PARD3B: variants seen among roughly 807,000 people sequenced by gnomAD.
PARD3B encodes the protein partitioning defective 3 homolog B.
Under a neutral mutation model 130.2 loss-of-function variants are expected in PARD3B, and 103 were observed. The ratio of observed to expected loss-of-function variants is 0.79; its 90% CI spans 0.67 to 0.93. PARD3B has a LOEUF of 0.93. Ranked by LOEUF, PARD3B falls within the 40% of genes least tolerant of loss-of-function variation. The probability of loss-of-function intolerance (pLI) is 0.00; values close to 1 mark genes in which losing one functional copy is unlikely to be tolerated. For synonymous variants in PARD3B, 583 were observed against 553.2 expected, an observed-to-expected ratio of 1.05 and a Z score of -0.76; for missense variants, 1,609 against 1,499.2, an observed-to-expected ratio of 1.07 and a Z score of -1.21.
intron 20 of PARD3B, among the ~76,000 whole-genome samples, chr2:205,498,043 A>ACACACACG (rs1477928229): frequency 6.6e-6 from 1 of 151,382 alleles, no homozygotes; most frequent in Non-Finnish European, 1.5e-5. Context: ...ACACACACAC[A>ACACACACG]CAAAGAATTT....
In PARD3B at chr2:204,754,692, G is replaced by T. The variant is rs939689124; in HGVS notation, c.222+68410G>T. On this transcript the variant is annotated intron_variant, in intron 2 of 22. Coordinates refer to ENST00000406610, the MANE Select transcript of PARD3B (RefSeq NM_001302769.2). ...AAATCCTAAGATAATAATGACTTAGGCACAACAAGATGGCTGCTAAAGCAC... is the reference window on the plus strand; with the variant it reads ...AAATCCTAAGATAATAATGACTTAGTCACAACAAGATGGCTGCTAAAGCAC... Among the ~76,000 whole-genome samples, 3 of 152,034 alleles carry T rather than the reference G, an allele frequency of 2.0e-5. No homozygotes were observed. In the South Asian group the frequency reaches 6.2e-4, roughly 32 times the overall value.
chr2:204,994,863 T>C (rs1694014136), intron 3 of PARD3B, among the ~76,000 whole-genome samples: 1 of 151,880 alleles, frequency 6.6e-6, no homozygotes, highest in African/African-American at 2.4e-5. Flanking sequence ...TTGATCTTTG[T>C]TGGTTTAAAG....
chr2:204,867,503 A>G (rs1407842037), intron 2 of PARD3B, among the ~76,000 whole-genome samples: 2 of 152,202 alleles, frequency 1.3e-5, no homozygotes, highest in Admixed American at 6.5e-5. Flanking sequence ...CACCATTACA[A>G]CATGCTTAAT....
intron 2 of PARD3B, among the ~76,000 whole-genome samples, chr2:204,880,184 C>T (rs539541932): frequency 1.2e-4 from 18 of 152,078 alleles, no homozygotes; most frequent in Non-Finnish European, 2.1e-4. Context: ...TAATCTCTTT[C>T]TCTTAGTTGT....
chr2:205,209,823 A>G (rs1446585517), intron 15 of PARD3B, among the ~76,000 whole-genome samples: 4 of 152,058 alleles, frequency 2.6e-5, no homozygotes, highest in African/African-American at 4.8e-5. Flanking sequence ...GAATGAATGA[A>G]TAAGGCCTAG....
chr2:205,130,872 G>T (rs973433310), intron 10 of PARD3B, among the ~76,000 whole-genome samples: 4 of 152,064 alleles, frequency 2.6e-5, no homozygotes, highest in African/African-American at 7.2e-5. Context: ...TATTGCTTTT[G>T]CTGAGAAAAA....
Position 205,589,935 on chromosome 2 carries a change from G to A in PARD3B, c.3261-25521G>A, listed in dbSNP as rs1410588455. ...TTTGCTTTTCATTTTCTCTACCCTG[G>A]AAATGTTGAAAGCTGTATCAAGCTG... On this transcript the variant is annotated intron_variant, in intron 22 of 22. Transcript: ENST00000406610. The surrounding 1 kb of genome is among the most constrained non-coding windows in gnomAD (Gnocchi z 4.1). 6.6e-6 allele frequency among the ~76,000 whole-genome samples: 1 copy of A among 151,964 alleles called. No homozygotes were observed. Among genetic ancestry groups the A allele is most frequent in the Non-Finnish European group, 1.5e-5 (1 of 67,994 alleles).
intron 4 of PARD3B, among the ~76,000 whole-genome samples, chr2:205,049,456 G>T (rs769900041): frequency 2.6e-5 from 4 of 152,066 alleles, no homozygotes; most frequent in African/African-American, 9.7e-5. Flanking sequence ...CTTCCCACAG[G>T]GTACCTCCCC....
At chr2:205,192,226 T>C (rs1401016069) in intron 14 of PARD3B, among the ~76,000 whole-genome samples, 1 of 152,224 alleles carries the variant, frequency 6.6e-6, no homozygotes, top group African/African-American at 2.4e-5. Context: ...GGATTTTCTT[T>C]CAAAACAGTT....
intron 2 of PARD3B, among the ~76,000 whole-genome samples, chr2:204,820,058 A>C (rs1208627172): frequency 6.8e-6 from 1 of 146,778 alleles, no homozygotes; most frequent in Non-Finnish European, 1.5e-5. Context: ...AGGTGGCTAC[A>C]TTAAACAATA....
chr2:205,162,379 ATAACT>A (rs2034556087), intron 11 of PARD3B, among the ~76,000 whole-genome samples: 1 of 152,250 alleles, frequency 6.6e-6, no homozygotes, highest in South Asian at 2.1e-4. Flanking sequence ...CCTCTGAAGC[ATAACT>A]TGTAGCTATG....
chr2:204,784,343 G>A (rs1022887095), intron 2 of PARD3B, among the ~76,000 whole-genome samples: 1 of 151,860 alleles, frequency 6.6e-6, no homozygotes, highest in Non-Finnish European at 1.5e-5. Context: ...GTCCTTAAAT[G>A]ACTTTGAAGA....
At chr2:204,804,470 C>T (rs551411745) in intron 2 of PARD3B, among the ~76,000 whole-genome samples, 2 of 151,954 alleles carry the variant, frequency 1.3e-5, no homozygotes, top group Non-Finnish European at 2.9e-5. Flanking sequence ...ATACATGCAC[C>T]CAACAGTGGA....
chr2:205,565,820 A>G (rs2053306253), intron 22 of PARD3B, among the ~76,000 whole-genome samples: 1 of 151,460 alleles, frequency 6.6e-6, no homozygotes, highest in African/African-American at 2.4e-5. Context: ...CCATAGACAC[A>G]GTTTCTGTCC....
At chr2:204,959,543 G>C (rs1690564744) in intron 2 of PARD3B, among the ~76,000 whole-genome samples, 1 of 152,170 alleles carries the variant, frequency 6.6e-6, no homozygotes, top group Non-Finnish European at 1.5e-5. Context: ...AGATCCTTGA[G>C]GAATTGCCAC....
chr2:204,734,745 G>A (rs185840510), intron 2 of PARD3B, among the ~76,000 whole-genome samples: 39 of 152,256 alleles, frequency 2.6e-4, no homozygotes, highest in Middle Eastern at 6.8e-3. Context: ...TAGGGGTGAA[G>A]TGAGGAAATT....
chr2:205,476,628 TTTTGTTTG>T lies in PARD3B; in HGVS notation c.3045-23252_3045-23245del, dbSNP rs149480140. On this transcript the variant is annotated intron_variant, in intron 20 of 22. Transcript: ENST00000406610. ...TGTTTTCTGGGTTTTTTGTTTGTTT[TTTTGTTTG>T]TTTGTTTGTTTGTTTTAGCAGGAAT... 2.4e-3 allele frequency among the ~76,000 whole-genome samples: 358 copies of T among 152,186 alleles called. 1 individual carries two copies. Among genetic ancestry groups the T allele is most frequent in the African/African-American group, 8.2e-3 (342 of 41,486 alleles).
chr2:204,664,978 TC>T lies in PARD3B; in HGVS notation c.121-21201del, dbSNP rs1382690493. On this transcript the variant is annotated intron_variant, in intron 1 of 22. Coordinates refer to ENST00000406610, the MANE Select transcript of PARD3B (RefSeq NM_001302769.2). The surrounding 1 kb of genome is among the most constrained non-coding windows in gnomAD (Gnocchi z 5.2). Reference sequence around the variant, plus strand: ...ATTTTCTAGGTTCAGTTTTAGCAAATCCGTTGCTCTCATGAAGACTGTAGAG... The same window carrying T: ...ATTTTCTAGGTTCAGTTTTAGCAAATCGTTGCTCTCATGAAGACTGTAGAG... Among the ~76,000 whole-genome samples the T allele has an allele frequency of 6.6e-6, 1 of 152,298 alleles. No individual in the cohort carries two copies. The highest frequency in any genetic ancestry group is 1.9e-4 in the East Asian group (1 of 5,172).
At chr2:205,555,050 A>G (rs1204396433) in intron 22 of PARD3B, among the ~76,000 whole-genome samples, 1 of 152,208 alleles carries the variant, frequency 6.6e-6, no homozygotes, top group Non-Finnish European at 1.5e-5. Flanking sequence ...TGTTTTACAT[A>G]TAAGATTTCC....
Sources: allele counts gnomAD v4.1 joint callset (sites outside exome capture counted in the v4.1 genomes callset), GRCh38; gene constraint gnomAD v4.1.1; non-coding constraint Gnocchi (gnomAD v3.1); transcripts MANE v1.5; gene names NCBI Gene and HGNC (gene_info 2026-07-23, HGNC 2026-07-21).